The following SLC14A2 variants were observed in gnomAD, a reference collection of about 807,000 sequenced individuals.
SLC14A2 encodes urea transporter 2.
A neutral mutation model predicts 104.6 loss-of-function variants in SLC14A2; 91 were observed. That is an observed-to-expected ratio of 0.87 (90% confidence interval 0.73 to 1.04). The LOEUF is 1.04. Among genes scored for constraint, SLC14A2 ranks in the 50% least tolerant of loss-of-function variants. SLC14A2 has a pLI of 0.00. For missense variants in SLC14A2, 1,189 were observed against 1,156.0 expected, an observed-to-expected ratio of 1.03 and a Z score of -0.41; for synonymous variants, 476 against 466.4, an observed-to-expected ratio of 1.02 and a Z score of -0.27.
At chr18:45,420,128 G>A (rs1423654464) in intron 1 of SLC14A2, among the ~76,000 whole-genome samples, 1 of 152,184 alleles carries the variant, frequency 6.6e-6, no homozygotes, top group African/African-American at 2.4e-5. Flanking sequence ...CAGGACTAGA[G>A]GATGCACTTC....
intron 1 of SLC14A2, among the ~76,000 whole-genome samples, chr18:45,421,256 CTTT>C (rs202227442): frequency 0.01 from 1,480 of 142,592 alleles, 16 homozygotes; most frequent in African/African-American, 0.025. Context: ...AACATCGATC[CTTT>C]TTTTTTTTTT....
At chr18:45,269,315 CATG>C (rs1222001823) in intron 1 of SLC14A2, among the ~76,000 whole-genome samples, 3 of 152,014 alleles carry the variant, frequency 2.0e-5, no homozygotes, top group Non-Finnish European at 4.4e-5. Context: ...TGTAGAAAAA[CATG>C]ATAAGGTTTT....
chr18:45,512,313 T>G (rs569065654), intron 2 of SLC14A2, among the ~76,000 whole-genome samples: 1 of 151,926 alleles, frequency 6.6e-6, no homozygotes, highest in Non-Finnish European at 1.5e-5. Flanking sequence ...CAGACTAGCA[T>G]GGAAGGAGTG....
chr18:45,649,963 C>A (rs1279083076), intron 10 of SLC14A2, among the ~76,000 whole-genome samples: 2 of 152,218 alleles, frequency 1.3e-5, no homozygotes, highest in East Asian at 3.8e-4. Flanking sequence ...TCTTAATCTG[C>A]AAACTCAAGT....
At chr18:45,264,453 G>T (rs754531654) in intron 1 of SLC14A2, among the ~76,000 whole-genome samples, 1 of 152,044 alleles carries the variant, frequency 6.6e-6, no homozygotes, top group Non-Finnish European at 1.5e-5. Context: ...TACGTAGTTC[G>T]TTTTATCTTG....
At chr18:45,654,969 T>C (rs2045808091) in intron 10 of SLC14A2, among the ~76,000 whole-genome samples, 1 of 152,212 alleles carries the variant, frequency 6.6e-6, no homozygotes, top group African/African-American at 2.4e-5. Flanking sequence ...TAGAGCTGAA[T>C]ACCTTCTGCC....
the SLC14A2 span, among the ~76,000 whole-genome samples, chr18:45,187,024 C>T: frequency 2.0e-5 from 3 of 152,126 alleles, no homozygotes; most frequent in Non-Finnish European, 4.4e-5. Context: ...GTGGGGAAGC[C>T]ATTAGATGGT....
chr18:45,248,136 G>T (rs2084385289), intron 1 of SLC14A2, among the ~76,000 whole-genome samples: 1 of 152,132 alleles, frequency 6.6e-6, no homozygotes, highest in South Asian at 2.1e-4. Flanking sequence ...TGCTTAGCTG[G>T]CAAGAGTCAC....
chr18:45,346,376 T>G (rs1045352610), intron 1 of SLC14A2, among the ~76,000 whole-genome samples: 1 of 152,146 alleles, frequency 6.6e-6, no homozygotes. Context: ...AGGCTGGTCT[T>G]GAACTCCTGA....
chr18:45,396,142 T>G (rs1162292865), intron 1 of SLC14A2, among the ~76,000 whole-genome samples: 1 of 152,174 alleles, frequency 6.6e-6, no homozygotes, highest in Non-Finnish European at 1.5e-5. Context: ...GTTGTGCAGT[T>G]TTCTTTTTAC....
chr18:45,678,956 T>TTC lies in SLC14A2; in HGVS notation c.2513-18_2513-17insCT, dbSNP rs1555639741. The TTC allele has an allele frequency of 5.5e-6, 7 of 1,261,712 alleles. No homozygotes were observed. The highest frequency in any genetic ancestry group is 2.8e-5 in the East Asian group (1 of 36,094). 78.2% of individuals were successfully genotyped at this position (1,261,712 alleles called of 1,614,324 possible). A position where few individuals can be genotyped will look rare whatever the true frequency, so the allele number is the denominator to read the frequency against. The stretch of plus-strand genomic sequence containing the variant: ...AATAGTTACTGGTCTATTTCTTTCT[T>TTC]TTTTTTTTTTTTTTCTAGCACTGTT... On this transcript the variant is annotated intron_variant, in intron 18 of 19. Coordinates refer to ENST00000255226, the MANE Select transcript of SLC14A2 (RefSeq NM_007163.4).
intron 2 of SLC14A2, among the ~76,000 whole-genome samples, chr18:45,566,659 T>C (rs1401249006): frequency 6.6e-6 from 1 of 152,190 alleles, no homozygotes; most frequent in Non-Finnish European, 1.5e-5. Flanking sequence ...TGATTTCTGA[T>C]TCCCATTTAA....
At chr18:45,527,827 C>CT (rs1183143221) in intron 2 of SLC14A2, 2 of 152,182 alleles carry the variant, frequency 1.3e-5, no homozygotes, top group Non-Finnish European at 2.9e-5. Flanking sequence ...GTTCATAACT[C>CT]TTGTCTACTA....
At chr18:45,599,143 AC>A (rs571113832) in intron 2 of SLC14A2, among the ~76,000 whole-genome samples, 98 of 152,356 alleles carry the variant, frequency 6.4e-4, no homozygotes, top group African/African-American at 2.3e-3. Context: ...GGCATTTTAA[AC>A]ACATAATGTA....
the SLC14A2 span, among the ~76,000 whole-genome samples, chr18:45,196,836 G>A: frequency 6.6e-6 from 1 of 152,172 alleles, no homozygotes; most frequent in Non-Finnish European, 1.5e-5. Context: ...CCATTTACTT[G>A]GCGAATAGAA....
intron 2 of SLC14A2, among the ~76,000 whole-genome samples, chr18:45,498,227 A>C (rs2043134306): frequency 6.6e-6 from 1 of 152,246 alleles, no homozygotes; most frequent in African/African-American, 2.4e-5. Flanking sequence ...AATCAAATAA[A>C]TCAACAACAA....
At chr18:45,650,262 C>G (rs1011025071) in intron 10 of SLC14A2, among the ~76,000 whole-genome samples, 1 of 152,086 alleles carries the variant, frequency 6.6e-6, no homozygotes, top group Non-Finnish European at 1.5e-5. Context: ...GTTTAAAAAT[C>G]ATGTTTTTAG....
chr18:45,282,662 T>A (rs1599640986), intron 1 of SLC14A2, among the ~76,000 whole-genome samples: 1 of 152,124 alleles, frequency 6.6e-6, no homozygotes, highest in Non-Finnish European at 1.5e-5. Context: ...CCTCGCTGTG[T>A]GAGGCTGGAC....
intron 2 of SLC14A2, among the ~76,000 whole-genome samples, chr18:45,560,514 G>A (rs1231230417): frequency 6.6e-6 from 1 of 152,104 alleles, no homozygotes; most frequent in Non-Finnish European, 1.5e-5. Flanking sequence ...ATAGGCTGAG[G>A]AATAGGAAGT....
Sources: gnomAD v4.1 joint callset for allele counts (sites outside exome capture counted in the v4.1 genomes callset) on GRCh38, gnomAD v4.1.1 for gene constraint, MANE v1.5 for transcripts, NCBI Gene and HGNC (gene_info 2026-07-23, HGNC 2026-07-21) for gene names.